The following PLPPR1 variants were observed in gnomAD, a reference collection of about 807,000 sequenced individuals.
PLPPR1 encodes phospholipid phosphatase-related protein type 1.
PLPPR1 carries 10 observed loss-of-function variants against 33.1 expected under a neutral mutation model. That is an observed-to-expected ratio of 0.30 (90% CI 0.19 to 0.51). The LOEUF is 0.51. Ranked by LOEUF, PLPPR1 falls within the 20% of genes least tolerant of loss-of-function variation. PLPPR1 has a pLI of 0.97. For missense variants in PLPPR1, 304 were observed against 408.1 expected, an observed-to-expected ratio of 0.74 and a Z score of 2.20; for synonymous variants, 151 against 151.0, an observed-to-expected ratio of 1.00 and a Z score of 0.00.
intron 1 of PLPPR1, among the ~76,000 whole-genome samples, chr9:101,040,482 G>T (rs1320337315): frequency 6.6e-6 from 1 of 152,070 alleles, no homozygotes; most frequent in Non-Finnish European, 1.5e-5. Context: ...AATCTGATTG[G>T]GTGTGAGCTG....
intron 1 of PLPPR1, among the ~76,000 whole-genome samples, chr9:101,075,636 T>A (rs992543428): frequency 1.3e-5 from 2 of 152,186 alleles, no homozygotes; most frequent in African/African-American, 4.8e-5. Context: ...TTTATTTGTT[T>A]ATTCAAAAAT....
rs971917730 is a variant in PLPPR1, at chr9:101,124,313, A to C, written c.-45-61137A>C. On this transcript the variant is annotated intron_variant, in intron 1 of 7. Transcript: ENST00000374874. ...CTTCTGTAACTTCTTCATGCTGAAT[A>C]GGGGTGATGATACTCCTGCCTAACT... is the stretch of plus-strand genomic sequence containing the variant. Among the ~76,000 whole-genome samples, 3 of 152,152 alleles carry C rather than the reference A, an allele frequency of 2.0e-5. No individual in the cohort carries two copies. In the South Asian group the frequency reaches 6.2e-4, roughly 31 times the overall value.
intron 1 of PLPPR1, among the ~76,000 whole-genome samples, chr9:101,091,778 G>T (rs758965796): frequency 3.5e-4 from 54 of 152,138 alleles, no homozygotes; most frequent in Admixed American, 1.3e-3. Flanking sequence ...TAGCTAATTA[G>T]CTACTCCATC....
chr9:101,258,368 T>C (rs767571933), intron 2 of PLPPR1, among the ~76,000 whole-genome samples: 18 of 152,172 alleles, frequency 1.2e-4, no homozygotes, highest in Non-Finnish European at 2.1e-4. Flanking sequence ...CACATCATCA[T>C]ATCCTTGAAA....
chr9:101,242,075 A>G (rs900355697), intron 2 of PLPPR1, among the ~76,000 whole-genome samples: 1 of 152,018 alleles, frequency 6.6e-6, no homozygotes, highest in African/African-American at 2.4e-5. Flanking sequence ...AGTCATTGGC[A>G]GTTGAAGCTG....
intron 2 of PLPPR1, among the ~76,000 whole-genome samples, chr9:101,238,527 CAG>C (rs1827381574): frequency 6.6e-6 from 1 of 151,160 alleles, no homozygotes; most frequent in South Asian, 2.1e-4. Context: ...TGAAATAACT[CAG>C]AAACAAAGTC....
At chr9:101,205,312 A>C (rs1306234976) in intron 2 of PLPPR1, among the ~76,000 whole-genome samples, 1 of 152,186 alleles carries the variant, frequency 6.6e-6, no homozygotes, top group Non-Finnish European at 1.5e-5. Flanking sequence ...GCCCCACCTG[A>C]TGCTAAATGC....
At chr9:101,127,488 A>G (rs1284140766) in intron 1 of PLPPR1, among the ~76,000 whole-genome samples, 1 of 152,232 alleles carries the variant, frequency 6.6e-6, no homozygotes, top group Non-Finnish European at 1.5e-5. Flanking sequence ...TTGAAAAGGC[A>G]CATTGCATTA....
At chr9:101,290,439 A>C (rs983475214) in intron 4 of PLPPR1, among the ~76,000 whole-genome samples, 1 of 152,346 alleles carries the variant, frequency 6.6e-6, no homozygotes, top group East Asian at 1.9e-4. Context: ...ATTTTTAAGA[A>C]AATAAGGCTT....
chr9:101,032,072 A>T (rs1829952102), intron 1 of PLPPR1, among the ~76,000 whole-genome samples: 1 of 152,214 alleles, frequency 6.6e-6, no homozygotes, highest in African/African-American at 2.4e-5. Flanking sequence ...TCCAGGCAGA[A>T]ATATCTCTGA....
chr9:101,052,899 C>T (rs1830240130), intron 1 of PLPPR1, among the ~76,000 whole-genome samples: 1 of 152,188 alleles, frequency 6.6e-6, no homozygotes, highest in Non-Finnish European at 1.5e-5. Flanking sequence ...CAACTGGACT[C>T]AGTCAGCAAT....
At chr9:101,048,508 T>C (rs1362165633) in intron 1 of PLPPR1, among the ~76,000 whole-genome samples, 1 of 152,200 alleles carries the variant, frequency 6.6e-6, no homozygotes, top group Non-Finnish European at 1.5e-5. Context: ...TACACCACTT[T>C]AGGTTGTAAG....
intron 2 of PLPPR1, among the ~76,000 whole-genome samples, chr9:101,188,350 A>G (rs900987104): frequency 1.3e-5 from 2 of 152,098 alleles, no homozygotes; most frequent in Non-Finnish European, 2.9e-5. Flanking sequence ...TTGTATATCA[A>G]TTTCTTTGAA....
At chr9:101,265,271 A>C (rs1185849575) in intron 2 of PLPPR1, among the ~76,000 whole-genome samples, 2 of 152,166 alleles carry the variant, frequency 1.3e-5, no homozygotes, top group Admixed American at 6.5e-5. Flanking sequence ...TTTTACTGCT[A>C]TATTGGATTG....
At chr9:101,137,409 A>G (rs1028007225) in intron 1 of PLPPR1, among the ~76,000 whole-genome samples, 22 of 152,198 alleles carry the variant, frequency 1.4e-4, no homozygotes, top group Admixed American at 6.6e-5. Flanking sequence ...TTGGATAGGA[A>G]TCGATGGAAG....
intron 1 of PLPPR1, among the ~76,000 whole-genome samples, chr9:101,058,651 A>G (rs891139209): frequency 6.6e-6 from 1 of 152,150 alleles, no homozygotes; most frequent in Admixed American, 6.6e-5. Context: ...ATAGCATAAC[A>G]TTTAAATTAT....
At chr9:101,317,063 A>G (rs115646159) in intron 6 of PLPPR1, among the ~76,000 whole-genome samples, 5,493 of 152,200 alleles carry the variant, frequency 0.036, 337 homozygotes, top group African/African-American at 0.12. Context: ...AATTTTAACT[A>G]TTATTATGAG....
At chr9:101,140,197 A>G (rs1011005134) in intron 1 of PLPPR1, among the ~76,000 whole-genome samples, 1 of 150,708 alleles carries the variant, frequency 6.6e-6, no homozygotes. Context: ...AAACATTCTC[A>G]TAAAAATTGC....
chr9:101,182,110 G>A (rs1826124739), intron 1 of PLPPR1, among the ~76,000 whole-genome samples: 1 of 151,476 alleles, frequency 6.6e-6, no homozygotes, highest in Admixed American at 6.6e-5. Flanking sequence ...TGAACCTGGA[G>A]CACATCATGC....
Sources: allele counts gnomAD v4.1 joint callset (sites outside exome capture counted in the v4.1 genomes callset), GRCh38; gene constraint gnomAD v4.1.1; transcripts MANE v1.5; gene names NCBI Gene and HGNC (gene_info 2026-07-23, HGNC 2026-07-21).